Variants in TNR observed in about 807,000 individuals in gnomAD.
TNR encodes the protein tenascin R.
TNR carries 45 observed loss-of-function variants against 150.4 expected under a neutral mutation model. The observed-to-expected ratio is 0.30, with a 90% CI of 0.24 to 0.38. The LOEUF is 0.38. TNR is among the 10% of genes least tolerant of loss of function. The probability of loss-of-function intolerance (pLI) is 1.00; values close to 1 mark genes in which losing one functional copy is unlikely to be tolerated. For synonymous variants in TNR, 687 were observed against 678.4 expected, an observed-to-expected ratio of 1.01 and a Z score of -0.20; for missense variants, 1,544 against 1,759.1, an observed-to-expected ratio of 0.88 and a Z score of 2.19.
At chr1:175,498,700 G>A (rs1453451866) in intron 2 of TNR, among the ~76,000 whole-genome samples, 7 of 152,164 alleles carry the variant, frequency 4.6e-5, no homozygotes, top group African/African-American at 1.7e-4. Context: ...GAAAACCATC[G>A]AGGGAGGGCA....
At chr1:175,623,028 A>G (rs1664031520) in intron 1 of TNR, among the ~76,000 whole-genome samples, 1 of 152,200 alleles carries the variant, frequency 6.6e-6, no homozygotes, top group Non-Finnish European at 1.5e-5. Flanking sequence ...TTTCCAAATA[A>G]GGTTACATTT....
At chr1:175,480,608 A>C (rs1657762723) in intron 2 of TNR, among the ~76,000 whole-genome samples, 1 of 152,142 alleles carries the variant, frequency 6.6e-6, no homozygotes, top group Non-Finnish European at 1.5e-5. Flanking sequence ...GCGTCGTGCT[A>C]AGTATTTTAC....
chr1:175,687,967 T>A (rs1666252199), intron 1 of TNR, among the ~76,000 whole-genome samples: 1 of 152,150 alleles, frequency 6.6e-6, no homozygotes, highest in African/African-American at 2.4e-5. Context: ...AGAAGGAATG[T>A]AAACAATACA....
chr1:175,518,809 C>T (rs1659519271), intron 2 of TNR, among the ~76,000 whole-genome samples: 2 of 152,314 alleles, frequency 1.3e-5, no homozygotes, highest in African/African-American at 4.8e-5. Context: ...TTCTCCTTTA[C>T]AGCCACCAGC....
intron 20 of TNR, 188 bp downstream of exon 20, chr1:175,335,523 C>T (rs1433826094): frequency 9.0e-6 from 5 of 553,826 alleles, no homozygotes; most frequent in Non-Finnish European, 1.6e-5. Flanking sequence ...AAGAGGGAAA[C>T]ACCACAGTAA....
chr1:175,383,440 G>A (rs1652775759), intron 8 of TNR, among the ~76,000 whole-genome samples: 1 of 152,222 alleles, frequency 6.6e-6, no homozygotes, highest in East Asian at 1.9e-4. Context: ...GGTGCCAGGA[G>A]TTCCCTCCTG....
intron 18 of TNR, among the ~76,000 whole-genome samples, chr1:175,347,904 G>A (rs1194546323): frequency 6.6e-6 from 1 of 151,828 alleles, no homozygotes; most frequent in African/African-American, 2.4e-5. Context: ...GGAGGTCCTA[G>A]GTAATGTGAT....
Position 175,375,287 on chromosome 1 carries a change from G to T in TNR, c.1963+4265C>A, listed in dbSNP as rs137874661. ...GTGTAACACTCAAGGACCCCTTTGG[G>T]ACTATAGGTATGGTGCACAGGCCAA... On this transcript the variant is annotated intron_variant, in intron 9 of 22. Coordinates refer to ENST00000367674, the MANE Select transcript of TNR (RefSeq NM_003285.3). 8.3e-4 allele frequency among the ~76,000 whole-genome samples: 126 copies of T among 152,084 alleles called. 2 individuals are homozygous for T. The highest frequency in any genetic ancestry group is 2.9e-3 in the African/African-American group (120 of 41,462).
chr1:175,508,785 C>G (rs1043860505), intron 2 of TNR, among the ~76,000 whole-genome samples: 1 of 152,206 alleles, frequency 6.6e-6, no homozygotes, highest in Non-Finnish European at 1.5e-5. Flanking sequence ...GATTCCTGGC[C>G]CTCAGAAACT....
At chr1:175,621,932 C>G (rs1204140672) in intron 1 of TNR, among the ~76,000 whole-genome samples, 1 of 152,194 alleles carries the variant, frequency 6.6e-6, no homozygotes, top group African/African-American at 2.4e-5. Context: ...TCCACAGCTT[C>G]CTGGCTGAAA....
At chr1:175,709,846 G>A (rs768691863) in intron 1 of TNR, among the ~76,000 whole-genome samples, 14 of 151,720 alleles carry the variant, frequency 9.2e-5, no homozygotes, top group Non-Finnish European at 2.9e-5. Context: ...ACTCTGCTTG[G>A]TGTTCAGACA....
Position 175,331,157 on chromosome 1 carries a change from T to C in TNR, c.3632-922A>G, listed in dbSNP as rs182299337. ...TTTCTTTCTTTCTTCCTTTCTTTCTTTTTCTTTCCTTCCTTCCTTCCTTCC... is the reference window on the plus strand; with the variant it reads ...TTTCTTTCTTTCTTCCTTTCTTTCTCTTTCTTTCCTTCCTTCCTTCCTTCC... On this transcript the variant is annotated intron_variant, in intron 20 of 22. Transcript: ENST00000367674. Among the ~76,000 whole-genome samples, 102 of 109,874 alleles carry C rather than the reference T, an allele frequency of 9.3e-4. 3 individuals carry two copies. Among genetic ancestry groups the C allele is most frequent in the African/African-American group, 3.3e-3 (92 of 27,704 alleles). 72.1% of individuals were successfully genotyped at this position (109,874 alleles called of 152,430 possible).
intron 1 of TNR, among the ~76,000 whole-genome samples, chr1:175,657,853 G>GTATGTATATATATA (rs1665231476): frequency 5.7e-5 from 4 of 70,460 alleles, no homozygotes; most frequent in Admixed American, 1.5e-4. Context: ...CATGGAACAT[G>GTATGTATATATATA]TATATATATA....
intron 1 of TNR, among the ~76,000 whole-genome samples, chr1:175,620,962 T>G (rs1428684261): frequency 6.6e-6 from 1 of 152,160 alleles, no homozygotes; most frequent in East Asian, 1.9e-4. Flanking sequence ...GTTTCCAGAG[T>G]GCTGAGAGCA....
At chr1:175,734,604 T>C (rs899757121) in intron 1 of TNR, among the ~76,000 whole-genome samples, 1 of 152,242 alleles carries the variant, frequency 6.6e-6, no homozygotes, top group Non-Finnish European at 1.5e-5. Flanking sequence ...AGCAGGAACC[T>C]GGCAGCTTCC....
intron 1 of TNR, among the ~76,000 whole-genome samples, chr1:175,654,681 G>A (rs193151519): frequency 6.3e-4 from 94 of 149,652 alleles, no homozygotes; most frequent in East Asian, 1.8e-3. Flanking sequence ...AATCTATCTC[G>A]GTGAATGTCT....
In TNR at chr1:175,319,174, G is replaced by C. The variant is rs1648921986; in HGVS notation, c.*4183C>G. The C allele has an allele frequency of 6.6e-6, 1 of 152,178 alleles. No homozygotes were observed. The highest frequency in any genetic ancestry group is 1.9e-4 in the East Asian group (1 of 5,200). The allele number at this position is 152,178 out of a possible 1,614,324, so 9.4% of individuals were successfully genotyped here. On this transcript the variant is annotated 3_prime_UTR_variant, in exon 23 of 23. Coordinates refer to ENST00000367674, the MANE Select transcript of TNR (RefSeq NM_003285.3). ...CCCACCTTTCCTGAAATTCTGGGTG[G>C]AGGTTACAAAAAAGAAAAAGAAAAA... is the stretch of plus-strand genomic sequence containing the variant.
At position 175,432,077 on chromosome 1, in the gene TNR, T is replaced by C. The variant is rs938955457; in HGVS notation, c.-63-25300A>G. ...GCCTGTGGGGAGGGGGCCAGGGATATGGGGTTGCTGACTGGGAGTGTTGAA... is the reference window on the plus strand; with the variant it reads ...GCCTGTGGGGAGGGGGCCAGGGATACGGGGTTGCTGACTGGGAGTGTTGAA... On this transcript the variant is annotated intron_variant, in intron 2 of 22. Coordinates refer to ENST00000367674, the MANE Select transcript of TNR (RefSeq NM_003285.3). 2.0e-5 allele frequency among the ~76,000 whole-genome samples: 3 copies of C among 152,002 alleles called. No individual in the cohort carries two copies. In the East Asian group the frequency reaches 5.8e-4, roughly 29 times the overall value.
chr1:175,489,085 G>T (rs779946306), intron 2 of TNR, among the ~76,000 whole-genome samples: 12 of 152,162 alleles, frequency 7.9e-5, no homozygotes, highest in Admixed American at 4.6e-4. Flanking sequence ...TAGTTTAGAT[G>T]CCCTTTCAAT....
Sources: allele counts gnomAD v4.1 joint callset (sites outside exome capture counted in the v4.1 genomes callset), GRCh38; gene constraint gnomAD v4.1.1; transcripts MANE v1.5; gene names NCBI Gene and HGNC (gene_info 2026-07-23, HGNC 2026-07-21).